The following PRSS56 variants were observed in gnomAD, a reference collection of about 807,000 sequenced individuals.
The protein encoded by PRSS56 is protease, serine 56.
A neutral mutation model predicts 66.8 loss-of-function variants in PRSS56; 55 were observed. That is an observed-to-expected ratio of 0.82 (90% confidence interval 0.66 to 1.03). The LOEUF is 1.03. PRSS56 is among the 50% of genes least tolerant of loss of function. PRSS56 has a pLI of 0.00. For synonymous variants in PRSS56, 409 were observed against 387.9 expected (o/e 1.05, Z -0.64); for missense variants, 869 against 837.2 (o/e 1.04, Z -0.47).
At chr2:232,524,702 C>A in intron 11 of PRSS56, 36 bp from the exon 12 acceptor site, 1 of 1,436,002 alleles carries the variant, frequency 7.0e-7, no homozygotes, top group Non-Finnish European at 9.4e-7. Flanking sequence ...ATACCGCAAC[C>A]GTTCATTATT....
In PRSS56 at chr2:232,520,474, G is replaced by A. The variant is rs1691253372; in HGVS notation, c.-125G>A. On this transcript the variant is annotated 5_prime_UTR_variant, in exon 1 of 13. Transcript: ENST00000617714. ...AGAGAACGGGGTCAGATGATTTGAG[G>A]GACAAGAATTCAGTGCCCGGGGGCC... 2 of 761,142 alleles carry A rather than the reference G, an allele frequency of 2.6e-6. No homozygotes were observed. Among genetic ancestry groups the A allele is most frequent in the Non-Finnish European group, 4.5e-6 (2 of 442,994 alleles). 47.1% of individuals were successfully genotyped at this position (761,142 alleles called of 1,614,324 possible). A position where few individuals can be genotyped will look rare whatever the true frequency, so the allele number is the denominator to read the frequency against.
chr2:232,525,234 T>C lies in PRSS56; in HGVS notation c.1540T>C (p.Ser514Pro). ...NFHEVLADLG[S>P]KTLTGLFRAW... is the part of the protein sequence containing the mutation. ...TCTGTAGGTCCTGGCAGATCTGGGC[T>C]CCAAGACACTGACCGGGCTTTTCAG... is the stretch of plus-strand genomic sequence containing the variant. The change falls in exon 13 of 13, where the codon TCC becomes CCC. Residue 514 changes from serine to proline, a missense_variant. Ser to Pro is a moderately conservative substitution (Grantham distance 74). Transcript: ENST00000617714. 1 of 1,504,696 alleles carries C rather than the reference T, an allele frequency of 6.6e-7. No homozygotes were observed. The highest frequency in any genetic ancestry group is 2.5e-5 in the East Asian group (1 of 40,406). 93.2% of individuals were successfully genotyped at this position (1,504,696 alleles called of 1,614,324 possible).
In PRSS56 at chr2:232,524,353, G is replaced by C; in HGVS notation, c.1398G>C (p.Pro466=). The change falls in exon 11 of 13, where the codon CCG becomes CCC. Residue 466 remains proline, a synonymous_variant. Transcript: ENST00000617714. ...GTRFPKRRPE[P]RGEANGCPGL... is the part of the protein sequence containing the mutation. Reference sequence around the variant, plus strand: ...GGTTCCCGAAGCGGAGGCCGGAGCCGCGCGGAGAAGCCAACGGTAATGACG... The same window carrying C: ...GGTTCCCGAAGCGGAGGCCGGAGCCCCGCGGAGAAGCCAACGGTAATGACG... 1 of 1,535,478 alleles carries C rather than the reference G, an allele frequency of 6.5e-7. No individual in the cohort carries two copies. The highest frequency in any genetic ancestry group is 1.4e-5 in the African/African-American group (1 of 73,176).
chr2:232,522,287 G>A (rs978763393), intron 4 of PRSS56, 127 bp downstream of exon 4: 2 of 1,008,960 alleles, frequency 2.0e-6, no homozygotes, highest in South Asian at 5.1e-5. Context: ...GGCCGGCCCC[G>A]GGCTTCCCCA....
Position 232,525,574 on chromosome 2 carries a change from CATA to C in PRSS56, c.*71_*73del, listed in dbSNP as rs1691414746. 1.1e-6 allele frequency: 1 copy of C among 952,354 alleles called. No homozygotes were observed. The highest frequency in any genetic ancestry group is 1.3e-6 in the Non-Finnish European group (1 of 746,196). The allele number at this position is 952,354 out of a possible 1,614,324, so 59.0% of individuals were successfully genotyped here. A position where few individuals can be genotyped will look rare whatever the true frequency, so the allele number is the denominator to read the frequency against. ...CCAGGGGCTGAGAGGGGTTCGGGAG[CATA>C]ATGACAAACTGTCGCTGCCCCAGTG... On this transcript the variant is annotated 3_prime_UTR_variant, in exon 13 of 13. Transcript: ENST00000617714.
chr2:232,523,620 C>T (rs1691334043), intron 8 of PRSS56, 42 bp downstream of exon 8: 1 of 1,503,520 alleles, frequency 6.7e-7, no homozygotes. Context: ...AGTGCCCCAA[C>T]GGACAACCGT....
rs1271332305 is a variant in PRSS56, at chr2:232,521,798, A to G, written c.206-18A>G. On this transcript the variant is annotated intron_variant, in intron 2 of 12. Coordinates refer to ENST00000617714, the MANE Select transcript of PRSS56 (RefSeq NM_001195129.2). ...GCGAGAGGGCAGCAGTGAGACTCAA[A>G]GGTCTGTTTCTCTGCAGGATCTGGG... 6.5e-7 allele frequency: 1 copy of G among 1,535,530 alleles called. No homozygotes were observed. The highest frequency in any genetic ancestry group is 2.4e-5 in the East Asian group (1 of 40,886).
Position 232,523,396 on chromosome 2 carries a change from C to T in PRSS56, c.850-20C>T. ...CATAGGGGGCAGGTGAATGCAGCGT[C>T]CTCTCTCTTGGCCCCGCAGGGTGAC... On this transcript the variant is annotated intron_variant, in intron 7 of 12. Coordinates refer to ENST00000617714, the MANE Select transcript of PRSS56 (RefSeq NM_001195129.2). 2 of 1,435,558 alleles carry T rather than the reference C, an allele frequency of 1.4e-6. No individual in the cohort carries two copies. The highest frequency in any genetic ancestry group is 1.8e-6 in the Non-Finnish European group (2 of 1,098,008). 88.9% of individuals were successfully genotyped at this position (1,435,558 alleles called of 1,614,324 possible).
Position 232,524,479 on chromosome 2 carries a change from G to T in PRSS56, c.1414+110G>T, listed in dbSNP as rs902822621. Reference sequence around the variant, plus strand: ...AAGGGCTTACCCCATGGGGCAACAGGGTGGACTCGTTCTCCCCTCCCCGCC... The same window carrying T: ...AAGGGCTTACCCCATGGGGCAACAGTGTGGACTCGTTCTCCCCTCCCCGCC... On this transcript the variant is annotated intron_variant, in intron 11 of 12. Coordinates refer to ENST00000617714, the MANE Select transcript of PRSS56 (RefSeq NM_001195129.2). The T allele has an allele frequency of 6.4e-5, 69 of 1,076,722 alleles. 2 individuals are homozygous for T. In the South Asian group the frequency reaches 1.1e-3, roughly 17 times the overall value. 66.7% of individuals were successfully genotyped at this position (1,076,722 alleles called of 1,614,324 possible).
Position 232,524,512 on chromosome 2 carries a change from G to T in PRSS56, c.1414+143G>T, listed in dbSNP as rs140452917. ...CGTTCTCCCCTCCCCGCCATAGAGC[G>T]TATGACTCTTTTGGAGTACTTGTGG... On this transcript the variant is annotated intron_variant, in intron 11 of 12. Transcript: ENST00000617714. 1.5e-3 allele frequency: 1,235 copies of T among 841,102 alleles called. 9 individuals carry two copies. The African/African-American group carries it at 0.017, about 12-fold the overall frequency. 52.1% of individuals were successfully genotyped at this position (841,102 alleles called of 1,614,324 possible).
chr2:232,520,829 C>A lies in PRSS56; in HGVS notation c.97+134C>A, dbSNP rs965495211. 1.0e-5 allele frequency: 6 copies of A among 597,348 alleles called. No homozygotes were observed. In the South Asian group the frequency reaches 1.3e-4, roughly 13 times the overall value. 37.0% of individuals were successfully genotyped at this position (597,348 alleles called of 1,614,324 possible). A position where few individuals can be genotyped will look rare whatever the true frequency, so the allele number is the denominator to read the frequency against. On this transcript the variant is annotated intron_variant, in intron 1 of 12. Transcript: ENST00000617714. ...TTGGCTCCTTCTGCCCACCCTGCTG[C>A]GAGAAGGGGCCAAGAACTGAGATAT...
Position 232,524,921 on chromosome 2 carries a change from C to A in PRSS56, c.1521+77C>A, listed in dbSNP as rs541849441. ...CCCAGCCCAGGGAAGATGCAGAGGG[C>A]CCAGCCCAGATACCCTCCCAGCAGC... On this transcript the variant is annotated intron_variant, in intron 12 of 12. Transcript: ENST00000617714. 806 of 1,218,100 alleles carry A rather than the reference C, an allele frequency of 6.6e-4. 2 individuals are homozygous for A. The highest frequency in any genetic ancestry group is 1.9e-3 in the Admixed American group (91 of 48,754). 75.5% of individuals were successfully genotyped at this position (1,218,100 alleles called of 1,614,324 possible).
At position 232,523,819 on chromosome 2, in the gene PRSS56, C is replaced by A; in HGVS notation, c.1060C>A (p.Pro354Thr). ...PSCRELLAWD[P>T]PQELQADAAR... Reference sequence around the variant, plus strand: ...CTGCAGGGAGCTTCTGGCCTGGGACCCCCCCCAGGAGCTGCAGGCAGACGC... The same window carrying A: ...CTGCAGGGAGCTTCTGGCCTGGGACACCCCCCAGGAGCTGCAGGCAGACGC... The change falls in exon 9 of 13, where the codon CCC (proline) becomes ACC (threonine). Residue 354 changes from proline to threonine, a missense_variant. Transcript: ENST00000617714. The A allele has an allele frequency of 2.0e-6, 3 of 1,533,610 alleles. No individual in the cohort carries two copies. The highest frequency in any genetic ancestry group is 2.4e-5 in the East Asian group (1 of 40,872).
chr2:232,521,519 T>C lies in PRSS56; in HGVS notation c.205+91T>C, dbSNP rs2853444. On this transcript the variant is annotated intron_variant, in intron 2 of 12. Coordinates refer to ENST00000617714, the MANE Select transcript of PRSS56 (RefSeq NM_001195129.2). ...TGTCCCTTCCCTTCAGTCTTCACTC[T>C]CCTCTTGGGGGCAGAGACTGTGTTG... The C allele has an allele frequency of 0.82, 853,379 of 1,044,662 alleles. 350,084 individuals are homozygous for C. The highest frequency in any genetic ancestry group is 0.95 in the East Asian group (36,638 of 38,472). 64.7% of individuals were successfully genotyped at this position (1,044,662 alleles called of 1,614,324 possible). A position where few individuals can be genotyped will look rare whatever the true frequency, so the allele number is the denominator to read the frequency against.
intron 6 of PRSS56, 49 bp downstream of exon 6, chr2:232,522,910 G>T: frequency 6.9e-7 from 1 of 1,448,444 alleles, no homozygotes; most frequent in Non-Finnish European, 9.1e-7. Context: ...CTGGGGGTCC[G>T]AGGTAATAGA....
chr2:232,521,524 T>A, intron 2 of PRSS56, 96 bp downstream of exon 2: 1 of 1,019,236 alleles, frequency 9.8e-7, no homozygotes, highest in Non-Finnish European at 1.5e-6. Flanking sequence ...CACTCTCCTC[T>A]TGGGGGCAGA....
In PRSS56 at chr2:232,522,734, C is replaced by T. The variant is rs1443097003; in HGVS notation, c.579C>T (p.Ala193=). 3 of 1,533,974 alleles carry T rather than the reference C, an allele frequency of 2.0e-6. No individual in the cohort carries two copies. The highest frequency in any genetic ancestry group is 2.6e-6 in the Non-Finnish European group (3 of 1,145,748). ...FDPRTFHNDL[A]LVQLWTPVSP... is the part of the protein sequence containing the mutation. ...CGCGGACCTTCCACAACGACCTGGC[C>T]CTGGTGCAGCTGTGGACGCCGGTGA... Residue 193 remains alanine, a synonymous_variant, in exon 6 of 13, where the codon GCC becomes GCT. Transcript: ENST00000617714.
Position 232,525,505 on chromosome 2 carries a change from G to C in PRSS56, c.1811G>C (p.Ter604SerextTer24). Residue 604 changes from the stop codon to serine, a stop_lost, in exon 13 of 13, where the codon TGA becomes TCA. Transcript: ENST00000617714. ...NPQVPPARQP[*>S] ...CAGGTACCCCCCGCCAGGCAACCCT[G>C]AGCCATGTCTGGGCCCCCAGCCCCT... 1 of 1,474,524 alleles carries C rather than the reference G, an allele frequency of 6.8e-7. No individual in the cohort carries two copies. The highest frequency in any genetic ancestry group is 1.3e-5 in the South Asian group (1 of 76,778). The allele number at this position is 1,474,524 out of a possible 1,614,324, so 91.3% of individuals were successfully genotyped here.
Position 232,523,816 on chromosome 2 carries a change from G to A in PRSS56, c.1057G>A (p.Asp353Asn). 2 of 1,533,716 alleles carry A rather than the reference G, an allele frequency of 1.3e-6. No homozygotes were observed. The highest frequency in any genetic ancestry group is 8.7e-7 in the Non-Finnish European group (1 of 1,146,560). ...EPSCRELLAWDPPQELQADAA... is the reference protein window; with the variant it reads ...EPSCRELLAWNPPQELQADAA... The stretch of plus-strand genomic sequence containing the variant: ...CAGCTGCAGGGAGCTTCTGGCCTGG[G>A]ACCCCCCCCAGGAGCTGCAGGCAGA... The change falls in exon 9 of 13, where the codon GAC (aspartate) becomes AAC (asparagine). Residue 353 changes from aspartate to asparagine, a missense_variant. This residue lies in a region of PRSS56 where 551 missense variants were observed against 506.9 expected (regional missense o/e 1.09). Transcript: ENST00000617714.
Sources: allele counts gnomAD v4.1 joint callset, GRCh38; gene constraint gnomAD v4.1.1; regional missense constraint gnomAD v4.1.1; transcripts MANE v1.5; gene names NCBI Gene and HGNC (gene_info 2026-07-23, HGNC 2026-07-21).